The following STK32B variants were observed in gnomAD, a reference collection of about 807,000 sequenced individuals.
STK32B encodes serine/threonine kinase 32B.
Under a neutral mutation model 52.6 loss-of-function variants are expected in STK32B, and 43 were observed. The observed-to-expected ratio is 0.82, with a 90% CI of 0.64 to 1.05. The LOEUF is 1.05. Ranked by LOEUF, STK32B falls within the 50% of genes least tolerant of loss-of-function variation. The pLI is 0.00. For synonymous variants in STK32B, 238 were observed against 204.3 expected, an observed-to-expected ratio of 1.17 and a Z score of -1.41; for missense variants, 621 against 534.6, an observed-to-expected ratio of 1.16 and a Z score of -1.59.
At chr4:5,483,119 A>G (rs980570866) in intron 11 of STK32B, among the ~76,000 whole-genome samples, 9 of 151,808 alleles carry the variant, frequency 5.9e-5, no homozygotes, top group African/African-American at 2.2e-4. Context: ...GTTAGGGAGG[A>G]TTCCCTCTTT....
intron 1 of STK32B, among the ~76,000 whole-genome samples, chr4:5,128,677 C>G (rs1405219517): frequency 1.3e-5 from 2 of 152,214 alleles, no homozygotes; most frequent in Non-Finnish European, 2.9e-5. Flanking sequence ...GGCAGTGCCT[C>G]AGGCACATGG....
At chr4:5,483,162 G>A (rs556358663) in intron 11 of STK32B, among the ~76,000 whole-genome samples, 1 of 151,814 alleles carries the variant, frequency 6.6e-6, no homozygotes, top group Admixed American at 6.5e-5. Context: ...AGAAGGAATG[G>A]TACCAGTTCC....
chr4:5,384,845 G>T (rs1008852955), intron 4 of STK32B, among the ~76,000 whole-genome samples: 1 of 152,180 alleles, frequency 6.6e-6, no homozygotes, highest in Admixed American at 6.5e-5. Flanking sequence ...TGTTTGAGGA[G>T]ACAGGAGAGG....
chr4:5,357,020 T>C (rs62297285), intron 4 of STK32B, among the ~76,000 whole-genome samples: 10,147 of 150,204 alleles, frequency 0.068, 529 homozygotes, highest in Admixed American at 0.17. Flanking sequence ...TATATATATA[T>C]ATACACACAC....
At chr4:5,335,111 C>G (rs1387202044) in intron 4 of STK32B, among the ~76,000 whole-genome samples, 13 of 152,154 alleles carry the variant, frequency 8.5e-5, no homozygotes, top group Admixed American at 7.2e-4. Flanking sequence ...TGGTCCTGGA[C>G]TCTTTTTTGT....
At chr4:5,167,959 G>A (rs926890246) in intron 2 of STK32B, among the ~76,000 whole-genome samples, 1 of 152,250 alleles carries the variant, frequency 6.6e-6, no homozygotes, top group Non-Finnish European at 1.5e-5. Flanking sequence ...CAGGGTTATA[G>A]TCACTGGTGC....
chr4:5,104,569 G>T (rs569811633), intron 1 of STK32B, among the ~76,000 whole-genome samples: 2 of 152,146 alleles, frequency 1.3e-5, no homozygotes, highest in Non-Finnish European at 2.9e-5. Context: ...AGTGCATAAG[G>T]CATAAGTATA....
At chr4:5,173,281 G>T (rs1219214210) in intron 3 of STK32B, among the ~76,000 whole-genome samples, 3 of 152,018 alleles carry the variant, frequency 2.0e-5, no homozygotes, top group Non-Finnish European at 4.4e-5. Context: ...TTTTTTGAAG[G>T]TTTTTTTGTG....
chr4:5,342,472 T>G (rs796253608), intron 4 of STK32B, among the ~76,000 whole-genome samples: 1 of 152,240 alleles, frequency 6.6e-6, no homozygotes, highest in Non-Finnish European at 1.5e-5. Flanking sequence ...ACACCTTGTT[T>G]TCTCACTCAT....
At chr4:5,081,578 T>C (rs1712431742) in intron 1 of STK32B, among the ~76,000 whole-genome samples, 1 of 152,138 alleles carries the variant, frequency 6.6e-6, no homozygotes, top group African/African-American at 2.4e-5. Flanking sequence ...ATTCTTTTTT[T>C]TCTTTTTTCT....
intron 3 of STK32B, among the ~76,000 whole-genome samples, chr4:5,279,038 C>A (rs1448811192): frequency 1.3e-5 from 2 of 152,114 alleles, no homozygotes; most frequent in Non-Finnish European, 2.9e-5. Context: ...AGAGCCAAAC[C>A]ATATCATTCT....
intron 3 of STK32B, among the ~76,000 whole-genome samples, chr4:5,309,052 T>C (rs1433383993): frequency 6.6e-6 from 1 of 152,136 alleles, no homozygotes; most frequent in African/African-American, 2.4e-5. Flanking sequence ...TTCAGTAAAG[T>C]TGCAGGTAAA....
chr4:5,117,442 G>C (rs1192953541), intron 1 of STK32B, among the ~76,000 whole-genome samples: 1 of 151,164 alleles, frequency 6.6e-6, no homozygotes, highest in East Asian at 1.9e-4. Context: ...TTAAATTTTT[G>C]TCAACTCCAG....
At chr4:5,212,403 T>C (rs1722959985) in intron 3 of STK32B, among the ~76,000 whole-genome samples, 2 of 152,236 alleles carry the variant, frequency 1.3e-5, no homozygotes, top group Non-Finnish European at 2.9e-5. Context: ...GTGGGCTTAC[T>C]GTCAGCCTTT....
intron 2 of STK32B, among the ~76,000 whole-genome samples, chr4:5,159,516 GAATATATGA>G (rs1257338204): frequency 1.4e-5 from 2 of 140,192 alleles, no homozygotes; most frequent in East Asian, 4.0e-4. Flanking sequence ...ATATATATAT[GAATATATGA>G]TATATATGTA....
rs189464043 is a variant in STK32B, at chr4:5,422,813, G to A, written c.562+5879G>A. Reference sequence around the variant, plus strand: ...GAGGTGCTTCTGGCATGAAGAGGGGGAGATGAGATCTTTTTGGACAGTTTT... The same window carrying A: ...GAGGTGCTTCTGGCATGAAGAGGGGAAGATGAGATCTTTTTGGACAGTTTT... On this transcript the variant is annotated intron_variant, in intron 6 of 11. Transcript: ENST00000282908. Among the ~76,000 whole-genome samples, 1,141 of 152,256 alleles carry A rather than the reference G, an allele frequency of 7.5e-3. 9 individuals carry two copies. The highest frequency in any genetic ancestry group is 0.02 in the South Asian group (97 of 4,820).
At chr4:5,053,781 C>A (rs1741881828) in intron 1 of STK32B, among the ~76,000 whole-genome samples, 1 of 151,616 alleles carries the variant, frequency 6.6e-6, no homozygotes, top group Admixed American at 6.6e-5. Flanking sequence ...TCAGGAGAGG[C>A]CTGCCTGGCC....
intron 2 of STK32B, among the ~76,000 whole-genome samples, chr4:5,148,594 T>A (rs1242268831): frequency 6.6e-6 from 1 of 151,822 alleles, no homozygotes. Flanking sequence ...TCCAAGAACA[T>A]ACTCTACAAT....
At chr4:5,349,661 C>T (rs558336778) in intron 4 of STK32B, among the ~76,000 whole-genome samples, 4 of 151,760 alleles carry the variant, frequency 2.6e-5, no homozygotes, top group Non-Finnish European at 5.9e-5. Flanking sequence ...TGTATTGAAT[C>T]CTAAAAAAAG....
Sources: allele counts gnomAD v4.1 joint callset (sites outside exome capture counted in the v4.1 genomes callset), GRCh38; gene constraint gnomAD v4.1.1; transcripts MANE v1.5; gene names NCBI Gene and HGNC (gene_info 2026-07-23, HGNC 2026-07-21).